GALR1: variants seen among roughly 807,000 people sequenced by gnomAD.
The protein encoded by GALR1 is galanin receptor type 1.
GALR1 carries 11 observed loss-of-function variants against 17.9 expected under a neutral mutation model. The observed-to-expected ratio is 0.62, with a 90% CI of 0.39 to 1.02. The LOEUF (loss-of-function observed/expected upper bound fraction) is 1.02, where lower values mean the gene tolerates loss of function less well. Among genes scored for constraint, GALR1 ranks in the 50% least tolerant of loss-of-function variants. The pLI is 0.01. For missense variants in GALR1, 441 were observed against 456.9 expected, an observed-to-expected ratio of 0.97 and a Z score of 0.32; for synonymous variants, 206 against 205.7, an observed-to-expected ratio of 1.00 and a Z score of -0.01.
In GALR1 at chr18:77,258,557, G is replaced by GATGGTA. The variant is rs1382103636; in HGVS notation, c.732+2334_732+2335insATGGTA. On this transcript the variant is annotated intron_variant, in intron 2 of 2. Coordinates refer to ENST00000299727, the MANE Select transcript of GALR1 (RefSeq NM_001480.4). ...TGGCGATTGTGGTGGTGATGGTGGT[G>GATGGTA]GTCATAGTGGGGGTGGTGGTGGTCA... 2.5e-3 allele frequency among the ~76,000 whole-genome samples: 358 copies of GATGGTA among 143,114 alleles called. 2 individuals carry two copies. Among genetic ancestry groups the GATGGTA allele is most frequent in the Non-Finnish European group, 4.5e-3 (292 of 65,460 alleles). The allele number at this position is 143,114 out of a possible 152,430, so 93.9% of individuals were successfully genotyped here.
rs139398998 is a variant in GALR1 at position 77,263,359 on chromosome 18, C to G, written c.733-5226C>G. ...ATGTAAGCTTGTACCCTGTAAAACC[C>G]GTACTTAGATTTTTATACCTGAGTT... On this transcript the variant is annotated intron_variant, in intron 2 of 2. Coordinates refer to ENST00000299727, the MANE Select transcript of GALR1 (RefSeq NM_001480.4). Among the ~76,000 whole-genome samples, 398 of 152,228 alleles carry G rather than the reference C, an allele frequency of 2.6e-3. 3 individuals are homozygous for G. The highest frequency in any genetic ancestry group is 8.7e-3 in the African/African-American group (361 of 41,552).
At chr18:77,256,279 GT>G (rs1555672410) in intron 2 of GALR1, 56 bp downstream of exon 2, 21 of 1,030,262 alleles carry the variant, frequency 2.0e-5, no homozygotes, top group Admixed American at 7.6e-5. Flanking sequence ...GTTTACCTTT[GT>G]TTTTTTTACT....
chr18:77,265,291 C>G (rs775663879), intron 2 of GALR1, among the ~76,000 whole-genome samples: 3 of 152,224 alleles, frequency 2.0e-5, no homozygotes, highest in African/African-American at 7.2e-5. Context: ...AATCTTAAAG[C>G]TCCAAAATGA....
chr18:77,256,092 A>G lies in GALR1; in HGVS notation c.667-66A>G, dbSNP rs1912581244. 4 of 804,496 alleles carry G rather than the reference A, an allele frequency of 5.0e-6. No homozygotes were observed. The East Asian group carries it at 9.8e-5, about 20-fold the overall frequency. 49.8% of individuals were successfully genotyped at this position (804,496 alleles called of 1,614,324 possible). A position where few individuals can be genotyped will look rare whatever the true frequency, so the allele number is the denominator to read the frequency against. On this transcript the variant is annotated intron_variant, in intron 1 of 2. Transcript: ENST00000299727. ...CCATTTCAGCATGTCAATAATTGTT[A>G]ATGCAACATAGGCAGTGGGTTATGA...
Position 77,270,638 on chromosome 18 carries a change from C to A in GALR1, c.*1736C>A, listed in dbSNP as rs1180931201. On this transcript the variant is annotated 3_prime_UTR_variant, in exon 3 of 3. Transcript: ENST00000299727. ...GATAAAAATGCAAACTTGACATAAG[C>A]CTTTGGCATGCTAATTTTTTTAGCT... The A allele has an allele frequency of 6.6e-6, 1 of 151,426 alleles. No individual in the cohort carries two copies. The highest frequency in any genetic ancestry group is 1.5e-5 in the Non-Finnish European group (1 of 67,944). 9.4% of individuals were successfully genotyped at this position (151,426 alleles called of 1,614,324 possible).
At chr18:77,266,664 T>C (rs1295443144) in intron 2 of GALR1, among the ~76,000 whole-genome samples, 2 of 152,174 alleles carry the variant, frequency 1.3e-5, no homozygotes, top group Non-Finnish European at 2.9e-5. Flanking sequence ...CTTACAATCA[T>C]AGCAGAAAGG....
chr18:77,259,199 A>G (rs1293380801), intron 2 of GALR1, among the ~76,000 whole-genome samples: 1 of 28,432 alleles, frequency 3.5e-5, no homozygotes, highest in African/African-American at 1.5e-4. Context: ...GGTGGTGATG[A>G]TGGTGGTCAT....
chr18:77,256,308 A>G (rs1912587031), intron 2 of GALR1, 85 bp downstream of exon 2: 2 of 767,320 alleles, frequency 2.6e-6, no homozygotes, highest in South Asian at 3.3e-5. Context: ...ACGTCCATCC[A>G]AAGCCTGTAA....
In GALR1 at chr18:77,268,903, T is replaced by A; in HGVS notation, c.*1T>A. ...ATCAACCAATTGTACTCATGTGTGATAAAAGATAGAGTATCCTTATGGTTG... is the reference window on the plus strand; with the variant it reads ...ATCAACCAATTGTACTCATGTGTGAAAAAAGATAGAGTATCCTTATGGTTG... On this transcript the variant is annotated 3_prime_UTR_variant, in exon 3 of 3. Coordinates refer to ENST00000299727, the MANE Select transcript of GALR1 (RefSeq NM_001480.4). The A allele has an allele frequency of 6.2e-7, 1 of 1,603,710 alleles. No individual in the cohort carries two copies. The highest frequency in any genetic ancestry group is 8.5e-7 in the Non-Finnish European group (1 of 1,171,422).
intron 2 of GALR1, among the ~76,000 whole-genome samples, chr18:77,259,419 GAT>G (rs1912764923): frequency 1.3e-5 from 2 of 150,562 alleles, no homozygotes; most frequent in Non-Finnish European, 3.0e-5. Context: ...TTATGGTGGT[GAT>G]GATGGTCATG....
chr18:77,267,612 A>G (rs1255393786), intron 2 of GALR1, among the ~76,000 whole-genome samples: 1 of 152,204 alleles, frequency 6.6e-6, no homozygotes, highest in African/African-American at 2.4e-5. Context: ...GAGAGAACCA[A>G]CTGATTGGTT....
At position 77,268,999 on chromosome 18, in the gene GALR1, T is replaced by A; in HGVS notation, c.*97T>A. On this transcript the variant is annotated 3_prime_UTR_variant, in exon 3 of 3. Coordinates refer to ENST00000299727, the MANE Select transcript of GALR1 (RefSeq NM_001480.4). Reference sequence around the variant, plus strand: ...TAGTAAGCGATGCTGCAACTTGTTATCTTAACAAGAATTCAAGTCGTTTTA... The same window carrying A: ...TAGTAAGCGATGCTGCAACTTGTTAACTTAACAAGAATTCAAGTCGTTTTA... 1 of 905,916 alleles carries A rather than the reference T, an allele frequency of 1.1e-6. No homozygotes were observed. The highest frequency in any genetic ancestry group is 1.7e-6 in the Non-Finnish European group (1 of 582,656). The allele number at this position is 905,916 out of a possible 1,614,324, so 56.1% of individuals were successfully genotyped here.
chr18:77,254,964 G>C (rs1240008341), intron 1 of GALR1, among the ~76,000 whole-genome samples: 1 of 152,224 alleles, frequency 6.6e-6, no homozygotes, highest in Non-Finnish European at 1.5e-5. Flanking sequence ...GGCCTGGGCA[G>C]CTGGTAAATA....
At chr18:77,259,801 G>A (rs998828383) in intron 2 of GALR1, among the ~76,000 whole-genome samples, 13 of 151,980 alleles carry the variant, frequency 8.6e-5, no homozygotes, top group African/African-American at 1.5e-4. Context: ...AAGCAGAGGC[G>A]TGATGAGAAG....
In GALR1 at chr18:77,256,841, G is replaced by A. The variant is rs370724141; in HGVS notation, c.732+618G>A. 3.3e-4 allele frequency among the ~76,000 whole-genome samples: 50 copies of A among 152,262 alleles called. 1 individual carries two copies. The South Asian group carries it at 8.1e-3, about 25-fold the overall frequency. On this transcript the variant is annotated intron_variant, in intron 2 of 2. Coordinates refer to ENST00000299727, the MANE Select transcript of GALR1 (RefSeq NM_001480.4). ...CAAGCTTCTCCTGAGTGGTATTACA[G>A]CATCTAACTTATTGATGGTCATGAT...
chr18:77,249,920 A>G lies in GALR1; in HGVS notation c.-629A>G, dbSNP rs1441330193. On this transcript the variant is annotated 5_prime_UTR_variant, in exon 1 of 3. Coordinates refer to ENST00000299727, the MANE Select transcript of GALR1 (RefSeq NM_001480.4). The stretch of plus-strand genomic sequence containing the variant: ...ATCCACCACCAGGAAGCCTCCCAAA[A>G]GAGCTCTCGCCCTGTGGACGACTCG... Among the ~76,000 whole-genome samples, 1 of 152,222 alleles carries G rather than the reference A, an allele frequency of 6.6e-6. No homozygotes were observed. The highest frequency in any genetic ancestry group is 1.9e-4 in the East Asian group (1 of 5,190).
In GALR1 at chr18:77,275,040, C is replaced by T. The variant is rs534075048; in HGVS notation, c.*6138C>T. ...CCAATACTTTTCCATCTAACAGAAA[C>T]GCAAGCTTCAAGAGCAAGTTATTTT... On this transcript the variant is annotated 3_prime_UTR_variant, in exon 3 of 3. Transcript: ENST00000299727. The T allele has an allele frequency of 4.6e-5, 7 of 152,298 alleles. No individual in the cohort carries two copies. The highest frequency in any genetic ancestry group is 1.2e-4 in the African/African-American group (5 of 41,566). The allele number at this position is 152,298 out of a possible 1,614,324, so 9.4% of individuals were successfully genotyped here.
intron 2 of GALR1, among the ~76,000 whole-genome samples, chr18:77,263,951 A>G (rs890354141): frequency 4.0e-5 from 6 of 151,888 alleles, no homozygotes; most frequent in Non-Finnish European, 7.4e-5. Flanking sequence ...CCTGACCAAT[A>G]TGGTGAAAAC....
intron 2 of GALR1, among the ~76,000 whole-genome samples, chr18:77,258,772 A>G (rs1210144361): frequency 1.0e-4 from 5 of 49,378 alleles, no homozygotes; most frequent in Non-Finnish European, 1.2e-4. Flanking sequence ...CAATTGTGAT[A>G]GTGATGGTGG....
Sources: allele counts gnomAD v4.1 joint callset (sites outside exome capture counted in the v4.1 genomes callset), GRCh38; gene constraint gnomAD v4.1.1; transcripts MANE v1.5; gene names NCBI Gene and HGNC (gene_info 2026-07-23, HGNC 2026-07-21).